The following SEC16B variants were observed in gnomAD, a reference collection of about 807,000 sequenced individuals.
SEC16B encodes the protein protein transport protein Sec16B.
In SEC16B, 115 loss-of-function variants were observed where a neutral mutation model predicts 141.8. That is an observed-to-expected ratio of 0.81 (90% CI 0.70 to 0.95). The LOEUF (loss-of-function observed/expected upper bound fraction) is 0.95, where lower values mean the gene tolerates loss of function less well. Ranked by LOEUF, SEC16B falls within the 40% of genes least tolerant of loss-of-function variation. The probability of loss-of-function intolerance (pLI) is 0.00; values close to 1 mark genes in which losing one functional copy is unlikely to be tolerated. For synonymous variants in SEC16B, 493 were observed against 492.5 expected (o/e 1.00, Z -0.01); for missense variants, 1,291 against 1,312.3 (o/e 0.98, Z 0.25).
rs1650241389 is a variant in SEC16B, at chr1:177,929,255, G to A, written c.*603C>T. On this transcript the variant is annotated 3_prime_UTR_variant, in exon 26 of 26. Coordinates refer to ENST00000308284, the MANE Select transcript of SEC16B (RefSeq NM_033127.4). ...AAAAAATAGGACCAGCTAAGAAAGT[G>A]AGAGAAATATAATTAATCTGAACCA... is the stretch of plus-strand genomic sequence containing the variant. The A allele has an allele frequency of 6.5e-6, 1 of 154,156 alleles. No homozygotes were observed. The highest frequency in any genetic ancestry group is 1.4e-5 in the Non-Finnish European group (1 of 69,024). 9.5% of individuals were successfully genotyped at this position (154,156 alleles called of 1,614,324 possible). A position where few individuals can be genotyped will look rare whatever the true frequency, so the allele number is the denominator to read the frequency against.
intron 10 of SEC16B, among the ~76,000 whole-genome samples, chr1:177,956,657 G>C (rs1271926711): frequency 6.6e-6 from 1 of 151,970 alleles, no homozygotes; most frequent in Non-Finnish European, 1.5e-5. Context: ...TCAAAATTAA[G>C]CTAGAAATCA....
chr1:177,953,587 T>C (rs1482259360), intron 11 of SEC16B, among the ~76,000 whole-genome samples: 2 of 152,182 alleles, frequency 1.3e-5, no homozygotes, highest in East Asian at 1.9e-4. Flanking sequence ...GCCACCTCCA[T>C]TTGATCCTGG....
At chr1:177,951,398 A>G (rs1652183392) in intron 12 of SEC16B, among the ~76,000 whole-genome samples, 1 of 152,240 alleles carries the variant, frequency 6.6e-6, no homozygotes. Flanking sequence ...AAAACTATCA[A>G]GCTAGCCTCA....
Position 177,958,407 on chromosome 1 carries a change from C to T in SEC16B, c.1135-45G>A, listed in dbSNP as rs2101974025. ...ATCTGGGGAGAATCCTATGAGTCCT[C>T]AGGCTGGCAGCCCCAGCTGGAGAAG... is the stretch of plus-strand genomic sequence containing the variant. On this transcript the variant is annotated intron_variant, in intron 9 of 25. Transcript: ENST00000308284. 5.5e-6 allele frequency: 8 copies of T among 1,444,328 alleles called. No individual in the cohort carries two copies. In the African/African-American group the frequency reaches 5.7e-5, roughly 10 times the overall value. 89.5% of individuals were successfully genotyped at this position (1,444,328 alleles called of 1,614,324 possible).
chr1:177,979,822 G>A (rs556852469), intron 1 of SEC16B, among the ~76,000 whole-genome samples: 5 of 152,106 alleles, frequency 3.3e-5, no homozygotes, highest in African/African-American at 1.2e-4. Context: ...GCTTGTGTAG[G>A]GAAACACCTC....
At chr1:177,936,424 T>C in intron 19 of SEC16B, 59 bp from the exon 20 acceptor site, 1 of 1,418,776 alleles carries the variant, frequency 7.0e-7, no homozygotes, top group Non-Finnish European at 9.8e-7. Flanking sequence ...CCATCTATCC[T>C]GAAGAAGGGT....
At chr1:177,969,131 C>T (rs1653777837) in intron 1 of SEC16B, among the ~76,000 whole-genome samples, 1 of 152,166 alleles carries the variant, frequency 6.6e-6, no homozygotes, top group African/African-American at 2.4e-5. Context: ...TTTTAGGTTG[C>T]AAGATTCTGA....
chr1:177,933,204 C>A lies in SEC16B; in HGVS notation c.2823+10G>T. On this transcript the variant is annotated intron_variant, in intron 22 of 25. Transcript: ENST00000308284. ...AGAGAGGGGCATCCTCCCCCTCCCA[C>A]AGAGCCTACCTCAGAGTCAGGGCTG... 1 of 1,564,808 alleles carries A rather than the reference C, an allele frequency of 6.4e-7. No homozygotes were observed. Among genetic ancestry groups the A allele is most frequent in the South Asian group, 1.2e-5 (1 of 84,936 alleles).
At chr1:177,944,450 T>C (rs1227945994) in intron 15 of SEC16B, 111 bp downstream of exon 15, 1 of 774,232 alleles carries the variant, frequency 1.3e-6, no homozygotes, top group Non-Finnish European at 2.2e-6. Context: ...TGAGGAAAAG[T>C]TCAGTAGATA....
chr1:177,938,430 C>T (rs766925327), intron 18 of SEC16B, among the ~76,000 whole-genome samples: 1 of 152,214 alleles, frequency 6.6e-6, no homozygotes, highest in Admixed American at 6.5e-5. Flanking sequence ...CCTTTGTGAA[C>T]AGTCACAGCT....
chr1:177,944,431 T>C, intron 15 of SEC16B, 130 bp downstream of exon 15: 1 of 707,800 alleles, frequency 1.4e-6, no homozygotes, highest in Non-Finnish European at 2.5e-6. Flanking sequence ...CCTCCCACGC[T>C]TAAGCTAATG....
At chr1:177,947,397 G>A (rs186817025) in intron 13 of SEC16B, among the ~76,000 whole-genome samples, 1 of 152,214 alleles carries the variant, frequency 6.6e-6, no homozygotes, top group Admixed American at 6.5e-5. Context: ...AGCAACAGGA[G>A]GCAAGGTGTC....
intron 16 of SEC16B, 127 bp downstream of exon 16, chr1:177,941,773 A>G: frequency 9.5e-7 from 1 of 1,048,910 alleles, no homozygotes; most frequent in Non-Finnish European, 1.4e-6. Flanking sequence ...ATGGTCAAAG[A>G]TGGCCGTGGG....
intron 6 of SEC16B, chr1:177,961,143 G>T (rs114708003): frequency 1.4e-4 from 81 of 569,726 alleles, no homozygotes; most frequent in African/African-American, 1.4e-3. Context: ...AATACAATGC[G>T]TGGGCTTGAT....
chr1:177,936,109 C>T (rs1003403135), intron 20 of SEC16B, among the ~76,000 whole-genome samples, 189 bp downstream of exon 20: 3 of 152,098 alleles, frequency 2.0e-5, no homozygotes, highest in Non-Finnish European at 4.4e-5. Flanking sequence ...TGGGGCTGAG[C>T]GTAAACAAGA....
At chr1:177,965,740 A>G (rs979704801) in intron 3 of SEC16B, among the ~76,000 whole-genome samples, 153 bp downstream of exon 3, 3 of 152,194 alleles carry the variant, frequency 2.0e-5, no homozygotes, top group Non-Finnish European at 2.9e-5. Context: ...TTCTCAGGAC[A>G]TCTAGGAGGA....
intron 12 of SEC16B, among the ~76,000 whole-genome samples, chr1:177,950,901 A>T (rs931971263): frequency 6.8e-6 from 1 of 146,598 alleles, no homozygotes; most frequent in Non-Finnish European, 1.5e-5. Flanking sequence ...GGAAGGAAAG[A>T]AGGAAGGAAG....
chr1:177,958,010 C>T lies in SEC16B; in HGVS notation c.1365+122G>A, dbSNP rs1159250214. On this transcript the variant is annotated intron_variant, in intron 10 of 25. Transcript: ENST00000308284. ...TTTCATTTTCTTTGTTCTGTCTTTC[C>T]GAACTTCTTGCATCCTCCCTGAAAT... 7.0e-6 allele frequency: 4 copies of T among 569,052 alleles called. No homozygotes were observed. In the East Asian group the frequency reaches 1.0e-4, roughly 15 times the overall value. 35.3% of individuals were successfully genotyped at this position (569,052 alleles called of 1,614,324 possible). A position where few individuals can be genotyped will look rare whatever the true frequency, so the allele number is the denominator to read the frequency against.
At chr1:177,963,667 A>G (rs528430260) in intron 5 of SEC16B, among the ~76,000 whole-genome samples, 1 of 152,344 alleles carries the variant, frequency 6.6e-6, no homozygotes, top group East Asian at 1.9e-4. Context: ...ATTATCCTAA[A>G]ATAAAAAGTT....
Sources: allele counts gnomAD v4.1 joint callset (sites outside exome capture counted in the v4.1 genomes callset), GRCh38; gene constraint gnomAD v4.1.1; transcripts MANE v1.5; gene names NCBI Gene and HGNC (gene_info 2026-07-23, HGNC 2026-07-21).